GTF3A: variants seen among roughly 807,000 people sequenced by gnomAD.
GTF3A encodes transcription factor IIIA.
GTF3A carries 40 observed loss-of-function variants against 37.6 expected under a neutral mutation model. The observed-to-expected ratio is 1.06, with a 90% confidence interval of 0.83 to 1.38. The LOEUF is 1.38. GTF3A is among the 40% of genes most tolerant of loss of function. The pLI, the probability that GTF3A is intolerant of heterozygous loss-of-function variation, is 0.00. For missense variants in GTF3A, 500 were observed against 462.6 expected (o/e 1.08, Z -0.74); for synonymous variants, 191 against 166.7 (o/e 1.15, Z -1.12).
chr13:27,428,850 G>C (rs1953630784), intron 2 of GTF3A, among the ~76,000 whole-genome samples: 1 of 152,176 alleles, frequency 6.6e-6, no homozygotes, highest in African/African-American at 2.4e-5. Flanking sequence ...TAACCTCACT[G>C]TGATGCCTGT....
rs778946801 is a variant in GTF3A at position 27,435,114 on chromosome 13, ACTTTCT to A, written c.874-13_874-8del. ...TTTTCATATTAATATTTCATTAATA[ACTTTCT>A]CTTTCATTGTAGCAAAGTCTCACTA... On this transcript the variant is annotated splice_polypyrimidine_tract_variant and intron_variant, in intron 7 of 8. Transcript: ENST00000381140. 8 of 1,596,902 alleles carry A rather than the reference ACTTTCT, an allele frequency of 5.0e-6. No individual in the cohort carries two copies. In the East Asian group the frequency reaches 1.6e-4, roughly 31 times the overall value.
rs1490479267 is a variant in GTF3A at position 27,434,635 on chromosome 13, G to C, written c.644-170G>C. ...TGGCATTTAAGAACTTCAGAGAATTGAGACAAACTTCCTAGGTGATAAAAA... is the reference window on the plus strand; with the variant it reads ...TGGCATTTAAGAACTTCAGAGAATTCAGACAAACTTCCTAGGTGATAAAAA... On this transcript the variant is annotated intron_variant, in intron 6 of 8. Coordinates refer to ENST00000381140, the MANE Select transcript of GTF3A (RefSeq NM_002097.3). 4.1e-5 allele frequency: 24 copies of C among 584,002 alleles called. No homozygotes were observed. In the Admixed American group the frequency reaches 7.8e-4, roughly 19 times the overall value. The allele number at this position is 584,002 out of a possible 1,614,324, so 36.2% of individuals were successfully genotyped here. A position where few individuals can be genotyped will look rare whatever the true frequency, so the allele number is the denominator to read the frequency against.
In GTF3A at chr13:27,429,819, ACTT is replaced by A. The variant is rs574861636; in HGVS notation, c.303-45_303-43del. 3.5e-4 allele frequency: 343 copies of A among 967,356 alleles called. No individual in the cohort carries two copies. The African/African-American group carries it at 5.0e-3, about 14-fold the overall frequency. 59.9% of individuals were successfully genotyped at this position (967,356 alleles called of 1,614,324 possible). ...AGTAGGAAGATATATGTGTCTTAAAACTTCTTCTCCCTTGGTTTATTAATATTT... is the reference window on the plus strand; with the variant it reads ...AGTAGGAAGATATATGTGTCTTAAAACTTCTCCCTTGGTTTATTAATATTT... On this transcript the variant is annotated intron_variant, in intron 2 of 8. Transcript: ENST00000381140.
At chr13:27,425,225 G>A (rs371819258) in intron 1 of GTF3A, 119 of 396,634 alleles carry the variant, frequency 3.0e-4, no homozygotes, top group African/African-American at 2.3e-3. Context: ...GGTTTGAGGG[G>A]GCCCACCGCT....
At chr13:27,429,819 A>G (rs1953641372) in intron 2 of GTF3A, 51 bp from the exon 3 acceptor site, 1 of 967,238 alleles carries the variant, frequency 1.0e-6, no homozygotes, top group South Asian at 1.8e-5. Flanking sequence ...GTGTCTTAAA[A>G]CTTCTTCTCC....
At position 27,435,190 on chromosome 13, in the gene GTF3A, AAAGT is replaced by A; in HGVS notation, c.933+3_933+6del. The A allele has an allele frequency of 6.3e-7, 1 of 1,596,958 alleles. No homozygotes were observed. Among genetic ancestry groups the A allele is most frequent in the Non-Finnish European group, 8.5e-7 (1 of 1,175,000 alleles). ...TCCTGACAAGAAGAAAATGAAGCTC[AAAGT>A]AAGTTGAAACTACTTAGGCAAGCTT... On this transcript the variant is annotated splice_donor_variant and coding_sequence_variant, in exon 8 of 9. Coordinates refer to ENST00000381140, the MANE Select transcript of GTF3A (RefSeq NM_002097.3). LOFTEE classifies it high-confidence loss of function.
chr13:27,430,134 A>C (rs535255071), intron 3 of GTF3A, among the ~76,000 whole-genome samples, 168 bp downstream of exon 3: 2 of 151,986 alleles, frequency 1.3e-5, no homozygotes, highest in South Asian at 4.1e-4. Flanking sequence ...CTGAAAAAAA[A>C]AAACAAAAAC....
intron 2 of GTF3A, chr13:27,429,387 T>TTGG (rs1352287628): frequency 6.6e-6 from 1 of 151,636 alleles, no homozygotes; most frequent in African/African-American, 2.4e-5. Context: ...CCAGAATGGC[T>TTGG]TGGTAAGCCA....
chr13:27,432,779 GA>G lies in GTF3A; in HGVS notation c.540del (p.Lys180AsnfsTer27). The G allele has an allele frequency of 6.2e-7, 1 of 1,605,178 alleles. No individual in the cohort carries two copies. Among genetic ancestry groups the G allele is most frequent in the South Asian group, 1.1e-5 (1 of 89,060 alleles). On this transcript the variant is annotated frameshift_variant, in exon 5 of 9. Transcript: ENST00000381140. LOFTEE classifies it high-confidence loss of function. Reference sequence around the variant, plus strand: ...AACACTTTGCATCACCCAGCAAGCTGAAACGACATGCCAAGGCCCACGAGGG... The same window carrying G: ...AACACTTTGCATCACCCAGCAAGCTGAACGACATGCCAAGGCCCACGAGGG...
chr13:27,434,301 T>G, intron 6 of GTF3A, 82 bp downstream of exon 6: 1 of 760,994 alleles, frequency 1.3e-6, no homozygotes, highest in Non-Finnish European at 2.4e-6. Flanking sequence ...AGTGAAATGC[T>G]GTGTGCTTTA....
rs1015054738 is a variant in GTF3A, at chr13:27,424,729, G to T, written c.-9G>T. The T allele has an allele frequency of 4.2e-6, 6 of 1,438,824 alleles. No homozygotes were observed. Among genetic ancestry groups the T allele is most frequent in the Non-Finnish European group, 5.5e-6 (6 of 1,099,994 alleles). 89.1% of individuals were successfully genotyped at this position (1,438,824 alleles called of 1,614,324 possible). ...CGCGCCTGGCCCTGGGCTTGGAGGC[G>T]CCGGCGCCCTGGATCCGCCGGCCGT... is the stretch of plus-strand genomic sequence containing the variant. On this transcript the variant is annotated 5_prime_UTR_variant, in exon 1 of 9. Coordinates refer to ENST00000381140, the MANE Select transcript of GTF3A (RefSeq NM_002097.3).
rs771710005 is a variant in GTF3A, at chr13:27,435,488, C to T, written c.989C>T (p.Pro330Leu). The change falls in exon 9 of 9, where the codon CCT becomes CTT. Residue 330 changes from proline (P) to leucine (L), a missense_variant. Coordinates refer to ENST00000381140, the MANE Select transcript of GTF3A (RefSeq NM_002097.3). ...GCCTCTCATCTCAGTGGATATATCCCTCCCAAAAGGAAACAAGGGCAAGGC... is the reference window on the plus strand; with the variant it reads ...GCCTCTCATCTCAGTGGATATATCCTTCCCAAAAGGAAACAAGGGCAAGGC... 37 of 1,613,282 alleles carry T rather than the reference C, an allele frequency of 2.3e-5. No homozygotes were observed. The East Asian group carries it at 7.1e-4, about 31-fold the overall frequency.
rs753737520 is a variant in GTF3A, at chr13:27,430,619, C to A, written c.486C>A (p.Phe162Leu). 3.8e-6 allele frequency: 6 copies of A among 1,584,976 alleles called. No individual in the cohort carries two copies. In the African/African-American group the frequency reaches 8.1e-5, roughly 21 times the overall value. ...GCCAGCATACCAATGAACCTCTATT[C>A]AAGTAGGTACTTCATGTGGCTGAAA... Residue 162 changes from phenylalanine (F) to leucine (L), a missense_variant and splice_region_variant, in exon 4 of 9, where the codon TTC becomes TTA. By Grantham distance (22) the Phe-to-Leu change is conservative. Coordinates refer to ENST00000381140, the MANE Select transcript of GTF3A (RefSeq NM_002097.3).
intron 4 of GTF3A, among the ~76,000 whole-genome samples, chr13:27,430,885 T>C (rs1289011413): frequency 1.3e-5 from 2 of 152,244 alleles, no homozygotes; most frequent in African/African-American, 4.8e-5. Context: ...CTGTTTACTC[T>C]GCTGATTATT....
chr13:27,429,647 G>A (rs747378599), intron 2 of GTF3A, among the ~76,000 whole-genome samples: 55 of 152,174 alleles, frequency 3.6e-4, no homozygotes, highest in Non-Finnish European at 6.0e-4. Context: ...GATGTAGTGT[G>A]TATAATTTCA....
In GTF3A at chr13:27,424,865, C is replaced by T; in HGVS notation, c.128C>T (p.Ser43Phe). The T allele has an allele frequency of 6.5e-7, 1 of 1,550,218 alleles. No individual in the cohort carries two copies. The change falls in exon 1 of 9, where the codon TCC (serine) becomes TTC (phenylalanine). Residue 43 changes from serine to phenylalanine, a missense_variant. Transcript: ENST00000381140. ...GCGCTTCCCAGGAGGTTCATCTGCT[C>T]CTTCCCTGACTGCAGCGCCAATTAC...
chr13:27,424,761 C>T lies in GTF3A; in HGVS notation c.24C>T (p.Ala8=), dbSNP rs1189974640. 2.7e-6 allele frequency: 4 copies of T among 1,489,240 alleles called. No homozygotes were observed. Among genetic ancestry groups the T allele is most frequent in the East Asian group, 2.8e-5 (1 of 35,460 alleles). 92.3% of individuals were successfully genotyped at this position (1,489,240 alleles called of 1,614,324 possible). A position where few individuals can be genotyped will look rare whatever the true frequency, so the allele number is the denominator to read the frequency against. ...CCCTGGATCCGCCGGCCGTGGTCGC[C>T]GAGTCGGTGTCGTCCTTGACCATCG... Residue 8 remains alanine, a synonymous_variant, in exon 1 of 9, where the codon GCC becomes GCT. Coordinates refer to ENST00000381140, the MANE Select transcript of GTF3A (RefSeq NM_002097.3).
intron 5 of GTF3A, among the ~76,000 whole-genome samples, chr13:27,433,527 C>CA (rs71657128): frequency 0.47 from 54,546 of 116,436 alleles, 11,620 homozygotes; most frequent in South Asian, 0.65. Context: ...AAAAAAAAAA[C>CA]AAAAAAAAAC....
chr13:27,434,178 C>A lies in GTF3A; in HGVS notation c.602C>A (p.Thr201Lys). ...AAAGGATGTTCCTTTGTGGCAAAAACATGGACGGAACTTCTGAAACATGTG... is the reference window on the plus strand; with the variant it reads ...AAAGGATGTTCCTTTGTGGCAAAAAAATGGACGGAACTTCTGAAACATGTG... The change falls in exon 6 of 9, where the codon ACA becomes AAA. Residue 201 changes from threonine (T) to lysine (K), a missense_variant. Thr to Lys is a moderately conservative substitution (Grantham distance 78). Coordinates refer to ENST00000381140, the MANE Select transcript of GTF3A (RefSeq NM_002097.3). 1.4e-6 allele frequency: 2 copies of A among 1,425,168 alleles called. No homozygotes were observed. The highest frequency in any genetic ancestry group is 2.0e-6 in the Non-Finnish European group (2 of 1,007,608). The allele number at this position is 1,425,168 out of a possible 1,614,324, so 88.3% of individuals were successfully genotyped here. A position where few individuals can be genotyped will look rare whatever the true frequency, so the allele number is the denominator to read the frequency against.
Sources: allele counts gnomAD v4.1 joint callset (sites outside exome capture counted in the v4.1 genomes callset), GRCh38; gene constraint gnomAD v4.1.1; transcripts MANE v1.5; gene names NCBI Gene and HGNC (gene_info 2026-07-23, HGNC 2026-07-21).